The following EFNB2 variants were observed in gnomAD, a reference collection of about 807,000 sequenced individuals.
EFNB2 encodes ephrin B2.
In EFNB2, 5 loss-of-function variants were observed where a neutral mutation model predicts 32.1. That is an observed-to-expected ratio of 0.16 (90% CI 0.08 to 0.33). The LOEUF (loss-of-function observed/expected upper bound fraction) is 0.33. Among genes scored for constraint, EFNB2 ranks in the 10% least tolerant of loss-of-function variants. The pLI is 1.00. For missense variants in EFNB2, 263 were observed against 422.6 expected, an observed-to-expected ratio of 0.62 and a Z score of 3.31; for synonymous variants, 168 against 166.5, an observed-to-expected ratio of 1.01 and a Z score of -0.07.
chr13:106,504,534 C>T (rs1409738911), intron 2 of EFNB2, among the ~76,000 whole-genome samples: 5 of 152,212 alleles, frequency 3.3e-5, no homozygotes, highest in African/African-American at 4.8e-5. Context: ...AACCTTATTC[C>T]GTCCAGGGGA....
At chr13:106,512,303 T>TG (rs1430755042) in intron 2 of EFNB2, among the ~76,000 whole-genome samples, 1 of 24,334 alleles carries the variant, frequency 4.1e-5, no homozygotes, top group South Asian at 1.1e-3. Context: ...AGAATTCTAG[T>TG]GTTTTTTTTT....
chr13:106,521,754 T>C (rs367782072), intron 1 of EFNB2: 117 of 148,510 alleles, frequency 7.9e-4, no homozygotes, highest in African/African-American at 2.7e-3. Flanking sequence ...ATTCTCATAG[T>C]TTAAGCTTTT....
At chr13:106,496,876 G>A (rs937954466) in intron 2 of EFNB2, among the ~76,000 whole-genome samples, 1 of 152,188 alleles carries the variant, frequency 6.6e-6, no homozygotes, top group Non-Finnish European at 1.5e-5. Flanking sequence ...AAGGTGGAGA[G>A]TGCTAGACAT....
At position 106,490,805 on chromosome 13, in the gene EFNB2, A is replaced by G. The variant is rs1444592025; in HGVS notation, c.*2235T>C. On this transcript the variant is annotated 3_prime_UTR_variant, in exon 5 of 5. Transcript: ENST00000646441. ...ATATATGTACACATGTATACCACGC[A>G]CCCACTCACACATACACACACGCAC... 2.0e-5 allele frequency: 3 copies of G among 152,354 alleles called. No individual in the cohort carries two copies. Among genetic ancestry groups the G allele is most frequent in the Non-Finnish European group, 4.4e-5 (3 of 68,008 alleles). The allele number at this position is 152,354 out of a possible 1,614,324, so 9.4% of individuals were successfully genotyped here. A position where few individuals can be genotyped will look rare whatever the true frequency, so the allele number is the denominator to read the frequency against.
chr13:106,525,007 T>G (rs1056271308), intron 1 of EFNB2, among the ~76,000 whole-genome samples: 1 of 152,212 alleles, frequency 6.6e-6, no homozygotes, highest in Non-Finnish European at 1.5e-5. Flanking sequence ...ATTTTTTCCT[T>G]GTATGCAAAG....
intron 1 of EFNB2, among the ~76,000 whole-genome samples, chr13:106,527,861 T>A (rs1285075476): frequency 6.6e-6 from 1 of 152,240 alleles, no homozygotes; most frequent in Admixed American, 6.5e-5. Flanking sequence ...ATGATTGCTT[T>A]AATCACTTTA....
rs1268793106 is a variant in EFNB2 at position 106,494,982 on chromosome 13, G to C, written c.512C>G (p.Ala171Gly). The change falls in exon 4 of 5, where the codon GCT becomes GGT. Residue 171 changes from alanine (A) to glycine (G), a missense_variant. This residue lies in a region of EFNB2 where 172 missense variants were observed against 237.1 expected (regional missense o/e 0.73). Transcript: ENST00000646441. ...LMKVGQDASS[A>G]GSTRNKDPTR... ...TGGATCTTTATTCCTGGTTGATCCA[G>C]CAGAACTTGCATCTATATGAAAAAC... is the stretch of plus-strand genomic sequence containing the variant. 1.5e-5 allele frequency: 25 copies of C among 1,613,768 alleles called. No homozygotes were observed. Among genetic ancestry groups the C allele is most frequent in the Non-Finnish European group, 2.1e-5 (25 of 1,179,662 alleles).
intron 1 of EFNB2, chr13:106,519,439 G>A (rs970041153): frequency 1.3e-5 from 2 of 152,102 alleles, no homozygotes; most frequent in African/African-American, 4.8e-5. Flanking sequence ...GGGGGGGGAG[G>A]AGGCCCACAC....
intron 2 of EFNB2, among the ~76,000 whole-genome samples, chr13:106,501,783 G>A (rs1318542482): frequency 6.6e-6 from 1 of 151,914 alleles, no homozygotes; most frequent in Non-Finnish European, 1.5e-5. Flanking sequence ...TAGTAGAGAC[G>A]GGGTTTCACA....
chr13:106,503,237 A>G (rs1282619737), intron 2 of EFNB2, among the ~76,000 whole-genome samples: 1 of 152,166 alleles, frequency 6.6e-6, no homozygotes, highest in African/African-American at 2.4e-5. Context: ...CTCTCAGTTA[A>G]GAAAAAAAAT....
intron 2 of EFNB2, among the ~76,000 whole-genome samples, chr13:106,499,303 C>T (rs971505784): frequency 3.3e-5 from 5 of 151,886 alleles, no homozygotes; most frequent in African/African-American, 2.4e-5. Flanking sequence ...CCAATTATAC[C>T]TCCTTCCTGG....
intron 2 of EFNB2, among the ~76,000 whole-genome samples, chr13:106,501,882 G>A (rs892244257): frequency 7.2e-5 from 11 of 152,098 alleles, no homozygotes; most frequent in South Asian, 4.1e-4. Flanking sequence ...GTGAGCCACC[G>A]CGCCCGGCCC....
At position 106,535,005 on chromosome 13, in the gene EFNB2, G is replaced by C. The variant is rs758872889; in HGVS notation, c.-41C>G. ...AGCTCCGCGCACTCCGGGCCAAGAAGGGACTGACGGGACGCAGGCTGGGAC... is the reference window on the plus strand; with the variant it reads ...AGCTCCGCGCACTCCGGGCCAAGAACGGACTGACGGGACGCAGGCTGGGAC... On this transcript the variant is annotated 5_prime_UTR_variant, in exon 1 of 5. Coordinates refer to ENST00000646441, the MANE Select transcript of EFNB2 (RefSeq NM_004093.4). 7 of 1,608,206 alleles carry C rather than the reference G, an allele frequency of 4.4e-6. No homozygotes were observed. Among genetic ancestry groups the C allele is most frequent in the South Asian group, 2.2e-5 (2 of 90,650 alleles).
intron 1 of EFNB2, chr13:106,516,681 T>C (rs1053690070): frequency 6.6e-6 from 1 of 152,198 alleles, no homozygotes; most frequent in Non-Finnish European, 1.5e-5. Context: ...GAGCGTCACA[T>C]GGAGAGCCAG....
intron 1 of EFNB2, among the ~76,000 whole-genome samples, chr13:106,531,345 T>C (rs1879866548): frequency 6.6e-6 from 1 of 152,254 alleles, no homozygotes; most frequent in South Asian, 2.1e-4. Context: ...ACAACGACAG[T>C]CCATTACCTA....
chr13:106,534,851 C>G lies in EFNB2; in HGVS notation c.114G>C (p.Ser38=). 1 of 1,611,544 alleles carries G rather than the reference C, an allele frequency of 6.2e-7. No homozygotes were observed. Among genetic ancestry groups the G allele is most frequent in the Non-Finnish European group, 8.5e-7 (1 of 1,178,826 alleles). ...TCGCGGACGCCACTTACTTGGAGTT[C>G]GAGGAATTCCAATAGATAGGCTCTA... ...IVLEPIYWNS[S]NSKFLPGQGL... Residue 38 remains serine, a synonymous_variant, in exon 1 of 5, where the codon TCG becomes TCC. Coordinates refer to ENST00000646441, the MANE Select transcript of EFNB2 (RefSeq NM_004093.4).
chr13:106,500,003 C>T (rs1878719111), intron 2 of EFNB2, among the ~76,000 whole-genome samples: 1 of 152,146 alleles, frequency 6.6e-6, no homozygotes. Flanking sequence ...TGCGGTTTGC[C>T]ATCTATTTGC....
At chr13:106,524,967 T>C (rs1179345040) in intron 1 of EFNB2, among the ~76,000 whole-genome samples, 2 of 152,240 alleles carry the variant, frequency 1.3e-5, no homozygotes, top group Non-Finnish European at 2.9e-5. Context: ...GAAAGTATTA[T>C]GCTATAGTCT....
chr13:106,534,748 A>C, intron 1 of EFNB2, 95 bp downstream of exon 1: 1 of 1,412,304 alleles, frequency 7.1e-7, no homozygotes, highest in Non-Finnish European at 9.4e-7. Context: ...TTCCAGAAAC[A>C]GGCTCCGAGG....
Sources: allele counts gnomAD v4.1 joint callset (sites outside exome capture counted in the v4.1 genomes callset), GRCh38; gene constraint gnomAD v4.1.1; regional missense constraint gnomAD v4.1.1; transcripts MANE v1.5; gene names NCBI Gene and HGNC (gene_info 2026-07-23, HGNC 2026-07-21).